The following LCP2 variants were observed in gnomAD, a reference collection of about 807,000 sequenced individuals.
LCP2 encodes 76 kDa tyrosine phosphoprotein.
In LCP2, 29 loss-of-function variants were observed where a neutral mutation model predicts 74.5. The observed-to-expected ratio is 0.39, with a 90% confidence interval of 0.29 to 0.53. LCP2 has a LOEUF of 0.53. Among genes scored for constraint, LCP2 ranks in the 20% least tolerant of loss-of-function variants. The probability of loss-of-function intolerance (pLI) is 0.72; values close to 1 mark genes in which losing one functional copy is unlikely to be tolerated. For synonymous variants in LCP2, 228 were observed against 229.5 expected, an observed-to-expected ratio of 0.99 and a Z score of 0.06; for missense variants, 604 against 634.6, an observed-to-expected ratio of 0.95 and a Z score of 0.52.
chr5:170,268,882 T>C (rs2113177316), intron 7 of LCP2, among the ~76,000 whole-genome samples: 1 of 152,366 alleles, frequency 6.6e-6, no homozygotes, highest in South Asian at 2.1e-4. Context: ...CACACATGCA[T>C]GCACACACAT....
rs1761562180 is a variant in LCP2, at chr5:170,256,875, T to C, written c.1101-300A>G. Among the ~76,000 whole-genome samples, 1 of 152,192 alleles carries C rather than the reference T, an allele frequency of 6.6e-6. No homozygotes were observed. Among genetic ancestry groups the C allele is most frequent in the South Asian group, 2.1e-4 (1 of 4,832 alleles). ...AAAAATTGGCTGCAACTTGAGCTCT[T>C]TGAGTTGGGAGAATACAGAAGTCCT... On this transcript the variant is annotated intron_variant, in intron 16 of 20. Coordinates refer to ENST00000046794, the MANE Select transcript of LCP2 (RefSeq NM_005565.5). The surrounding 1 kb of genome is among the most constrained non-coding windows in gnomAD (Gnocchi z 4.5).
intron 5 of LCP2, among the ~76,000 whole-genome samples, chr5:170,274,685 A>C (rs115600292): frequency 0.023 from 3,512 of 152,226 alleles, 157 homozygotes; most frequent in African/African-American, 0.081. Flanking sequence ...TTGCAACACT[A>C]TGTGCAACTG....
At chr5:170,258,255 G>C in intron 15 of LCP2, 89 bp from the exon 16 acceptor site, 1 of 1,390,258 alleles carries the variant, frequency 7.2e-7, no homozygotes, top group Non-Finnish European at 1.0e-6. Flanking sequence ...GTTAGAAACA[G>C]CTAGTATAAA....
chr5:170,274,570 G>A (rs538615124), intron 5 of LCP2, among the ~76,000 whole-genome samples: 14 of 152,250 alleles, frequency 9.2e-5, no homozygotes, highest in African/African-American at 2.6e-4. Flanking sequence ...AACCTTTCTC[G>A]TGTGTAACAG....
chr5:170,266,719 A>T, intron 10 of LCP2, 89 bp downstream of exon 10: 1 of 1,105,978 alleles, frequency 9.0e-7, no homozygotes, highest in Non-Finnish European at 1.4e-6. Context: ...GGCCATAGTT[A>T]AATGAGATGG....
intron 3 of LCP2, among the ~76,000 whole-genome samples, chr5:170,281,492 G>A (rs1288198628): frequency 1.3e-5 from 2 of 152,198 alleles, no homozygotes; most frequent in Non-Finnish European, 2.9e-5. Context: ...GTGTTAGCCA[G>A]GATGGTCTCG....
chr5:170,249,958 C>T (rs1036009959), intron 20 of LCP2, among the ~76,000 whole-genome samples: 2 of 152,250 alleles, frequency 1.3e-5, no homozygotes, highest in African/African-American at 4.8e-5. Flanking sequence ...GCAGCTCTAT[C>T]CACTGCCAAC....
chr5:170,283,945 A>G (rs1272108625), intron 3 of LCP2, among the ~76,000 whole-genome samples: 5 of 152,184 alleles, frequency 3.3e-5, no homozygotes, highest in Non-Finnish European at 4.4e-5. Context: ...TTGTGCATGC[A>G]TGTACCATTG....
intron 14 of LCP2, among the ~76,000 whole-genome samples, 187 bp downstream of exon 14, chr5:170,260,920 T>C (rs1400775558): frequency 2.0e-5 from 3 of 152,156 alleles, no homozygotes; most frequent in Non-Finnish European, 2.9e-5. Context: ...CAACACAGCA[T>C]GATGGGCTCC....
intron 3 of LCP2, among the ~76,000 whole-genome samples, chr5:170,279,877 G>A (rs1207485302): frequency 3.3e-5 from 5 of 152,134 alleles, no homozygotes; most frequent in Middle Eastern, 6.8e-3. Flanking sequence ...AGCCCTACTA[G>A]TGGGTCTAGA....
intron 20 of LCP2, 80 bp from the exon 21 acceptor site, chr5:170,248,899 A>ATATTATGCAG: frequency 1.4e-6 from 2 of 1,387,498 alleles, no homozygotes; most frequent in Non-Finnish European, 2.0e-6. Context: ...TTATCTGCAT[A>ATATTATGCAG]ATATATGCTG....
Position 170,257,941 on chromosome 5 carries a change from G to A in LCP2, c.1100+96C>T, listed in dbSNP as rs867620998. The A allele has an allele frequency of 6.8e-5, 94 of 1,375,182 alleles. No individual in the cohort carries two copies. The Middle Eastern group carries it at 1.5e-3, about 21-fold the overall frequency. 85.2% of individuals were successfully genotyped at this position (1,375,182 alleles called of 1,614,324 possible). ...AATGTTCAGACCCTACTATCTACCC[G>A]TCATTTCCTTCTTTCTCAATCTGCC... is the stretch of plus-strand genomic sequence containing the variant. On this transcript the variant is annotated intron_variant, in intron 16 of 20. Transcript: ENST00000046794.
intron 2 of LCP2, among the ~76,000 whole-genome samples, chr5:170,289,020 G>C (rs553984634): frequency 1.3e-5 from 2 of 152,302 alleles, no homozygotes; most frequent in South Asian, 2.1e-4. Context: ...TAGTTAGGGT[G>C]GGAGCTCTGG....
intron 6 of LCP2, among the ~76,000 whole-genome samples, chr5:170,273,596 G>A (rs553894815): frequency 2.6e-5 from 4 of 152,218 alleles, no homozygotes; most frequent in Non-Finnish European, 5.9e-5. Flanking sequence ...GTCACGTTCT[G>A]CTCTCCTGTG....
intron 3 of LCP2, among the ~76,000 whole-genome samples, chr5:170,279,635 C>A (rs1449676197): frequency 1.3e-5 from 2 of 152,220 alleles, no homozygotes; most frequent in African/African-American, 4.8e-5. Flanking sequence ...AACCGGCCCC[C>A]ACGTGATTTT....
intron 13 of LCP2, among the ~76,000 whole-genome samples, chr5:170,262,129 A>G (rs567573473): frequency 5.3e-4 from 81 of 152,264 alleles, no homozygotes; most frequent in African/African-American, 1.9e-3. Context: ...CATGCGCGCC[A>G]TTTGGTAAAT....
chr5:170,263,095 G>A (rs1245463694), intron 10 of LCP2, 103 bp from the exon 11 acceptor site: 1 of 1,342,664 alleles, frequency 7.4e-7, no homozygotes. Context: ...CCTCTTGGGG[G>A]TTGATGGGGT....
In LCP2 at chr5:170,290,226, G is replaced by A. The variant is rs1175911218; in HGVS notation, c.142-2210C>T. Among the ~76,000 whole-genome samples the A allele has an allele frequency of 3.3e-5, 5 of 152,236 alleles. No individual in the cohort carries two copies. In the East Asian group the frequency reaches 9.6e-4, roughly 29 times the overall value. The stretch of plus-strand genomic sequence containing the variant: ...TGTGGGAGTATGATTATATGCTGTG[G>A]GTGTTGAGAAGAGGGGTACAGAAAG... On this transcript the variant is annotated intron_variant, in intron 2 of 20. Transcript: ENST00000046794.
intron 14 of LCP2, among the ~76,000 whole-genome samples, chr5:170,259,693 A>T (rs1395604648): frequency 6.6e-6 from 1 of 152,196 alleles, no homozygotes; most frequent in Non-Finnish European, 1.5e-5. Flanking sequence ...CTCTTTAATA[A>T]AAGTTTGCCA....
Sources: gnomAD v4.1 joint callset for allele counts (sites outside exome capture counted in the v4.1 genomes callset) on GRCh38, gnomAD v4.1.1 for gene constraint, Gnocchi (gnomAD v3.1) non-coding constraint, MANE v1.5 for transcripts, NCBI Gene and HGNC (gene_info 2026-07-23, HGNC 2026-07-21) for gene names.